Variants in ALPK2 observed in about 807,000 individuals in gnomAD.
The protein encoded by ALPK2 is alpha kinase 2.
Under a neutral mutation model 163.1 loss-of-function variants are expected in ALPK2, and 127 were observed. The observed-to-expected ratio is 0.78, with a 90% CI of 0.67 to 0.90. The LOEUF is 0.90. ALPK2 is among the 40% of genes least tolerant of loss of function. The probability of loss-of-function intolerance (pLI) is 0.00; values close to 1 mark genes in which losing one functional copy is unlikely to be tolerated. For synonymous variants in ALPK2, 953 were observed against 959.1 expected (o/e 0.99, Z 0.12); for missense variants, 2,360 against 2,589.6 (o/e 0.91, Z 1.92).
chr18:58,499,198 G>C (rs994949384), intron 11 of ALPK2, among the ~76,000 whole-genome samples: 1 of 152,194 alleles, frequency 6.6e-6, no homozygotes, highest in Admixed American at 6.5e-5. Flanking sequence ...CAGTAGAACA[G>C]CTACCTGAGC....
intron 4 of ALPK2, among the ~76,000 whole-genome samples, chr18:58,560,981 A>G (rs961933410): frequency 6.6e-6 from 1 of 152,184 alleles, no homozygotes; most frequent in Non-Finnish European, 1.5e-5. Context: ...AATTACTGTG[A>G]TTGAGATTTT....
intron 12 of ALPK2, among the ~76,000 whole-genome samples, chr18:58,497,333 G>A (rs998965972): frequency 2.0e-5 from 3 of 152,202 alleles, no homozygotes; most frequent in Non-Finnish European, 4.4e-5. Flanking sequence ...GGGCAAAGGC[G>A]ATGGTGGTTC....
At chr18:58,577,065 A>C (rs571779703) in intron 4 of ALPK2, among the ~76,000 whole-genome samples, 1 of 152,192 alleles carries the variant, frequency 6.6e-6, no homozygotes, top group Admixed American at 6.5e-5. Context: ...TGTGTGTGTG[A>C]GTGTGTAAGC....
chr18:58,533,559 A>G (rs1338847622), intron 5 of ALPK2, among the ~76,000 whole-genome samples: 1 of 151,446 alleles, frequency 6.6e-6, no homozygotes, highest in African/African-American at 2.4e-5. Context: ...TTCTGGGGTC[A>G]GGTGATTCTC....
At chr18:58,557,841 G>A (rs571799535) in intron 4 of ALPK2, among the ~76,000 whole-genome samples, 1 of 152,180 alleles carries the variant, frequency 6.6e-6, no homozygotes, top group East Asian at 1.9e-4. Context: ...CCAGCTACTG[G>A]GGAGGCTGAG....
chr18:58,615,408 G>T (rs1289792278), intron 1 of ALPK2, among the ~76,000 whole-genome samples: 1 of 152,018 alleles, frequency 6.6e-6, no homozygotes, highest in Non-Finnish European at 1.5e-5. Flanking sequence ...CACCTGCCAG[G>T]AACAAATCTA....
chr18:58,498,450 G>T (rs8086573), intron 11 of ALPK2, among the ~76,000 whole-genome samples: 63,985 of 152,064 alleles, frequency 0.42, 13,734 homozygotes, highest in East Asian at 0.71. Flanking sequence ...CCAGAAATAC[G>T]GTGACTTTGG....
At chr18:58,492,618 C>T (rs998358182) in intron 12 of ALPK2, among the ~76,000 whole-genome samples, 10 of 152,284 alleles carry the variant, frequency 6.6e-5, no homozygotes, top group African/African-American at 2.4e-4. Flanking sequence ...CTCGAATCTA[C>T]CAGACTTCTC....
intron 4 of ALPK2, among the ~76,000 whole-genome samples, chr18:58,569,883 C>T (rs748313262): frequency 6.6e-6 from 1 of 151,402 alleles, no homozygotes; most frequent in Non-Finnish European, 1.5e-5. Context: ...GTAATCCCAG[C>T]GCTTTGGGAG....
intron 11 of ALPK2, among the ~76,000 whole-genome samples, chr18:58,500,756 T>G (rs557759898): frequency 7.0e-6 from 1 of 142,526 alleles, no homozygotes; most frequent in East Asian, 2.1e-4. Flanking sequence ...AAACCCCGTC[T>G]CTACTAAAAA....
At chr18:58,564,429 T>G (rs1340546941) in intron 4 of ALPK2, among the ~76,000 whole-genome samples, 1 of 152,144 alleles carries the variant, frequency 6.6e-6, no homozygotes, top group Non-Finnish European at 1.5e-5. Flanking sequence ...GCCCTGTTCA[T>G]TTTTTATTAA....
intron 4 of ALPK2, among the ~76,000 whole-genome samples, chr18:58,560,615 A>G (rs2051821096): frequency 6.6e-6 from 1 of 152,200 alleles, no homozygotes; most frequent in South Asian, 2.1e-4. Flanking sequence ...GATAACCTCA[A>G]TCACATCTGC....
At chr18:58,512,333 C>T (rs72933225) in intron 10 of ALPK2, 17,805 of 152,298 alleles carry the variant, frequency 0.12, 1,214 homozygotes, top group Non-Finnish European at 0.16. Context: ...AATGTGACTC[C>T]ATTGATATTC....
chr18:58,574,498 G>A (rs1304684723), intron 4 of ALPK2, among the ~76,000 whole-genome samples: 1 of 148,536 alleles, frequency 6.7e-6, no homozygotes, highest in East Asian at 2.0e-4. Flanking sequence ...CCAACCCCCA[G>A]CCCCAGGCCA....
At chr18:58,487,367 A>C (rs1375767535) in intron 12 of ALPK2, among the ~76,000 whole-genome samples, 1 of 152,142 alleles carries the variant, frequency 6.6e-6, no homozygotes, top group South Asian at 2.1e-4. Context: ...GCCAGAGGAG[A>C]GGCATGGAAC....
intron 12 of ALPK2, among the ~76,000 whole-genome samples, chr18:58,495,886 C>T (rs2051398781): frequency 6.6e-6 from 1 of 152,278 alleles, no homozygotes; most frequent in African/African-American, 2.4e-5. Context: ...CACAGTCACA[C>T]AGCTGGTATG....
intron 8 of ALPK2, among the ~76,000 whole-genome samples, chr18:58,519,348 A>T (rs73445133): frequency 0.014 from 2,079 of 152,286 alleles, 44 homozygotes; most frequent in African/African-American, 0.048. Flanking sequence ...TAATACCACT[A>T]ACAGAGTATA....
chr18:58,492,671 C>G (rs143986046), intron 12 of ALPK2, among the ~76,000 whole-genome samples: 1 of 152,210 alleles, frequency 6.6e-6, no homozygotes, highest in Non-Finnish European at 1.5e-5. Flanking sequence ...AGCTGGATGA[C>G]AAGCGATGCA....
At chr18:58,594,457 T>C (rs1262243922) in intron 3 of ALPK2, among the ~76,000 whole-genome samples, 2 of 152,102 alleles carry the variant, frequency 1.3e-5, no homozygotes, top group Middle Eastern at 3.2e-3. Context: ...TGTGACAATA[T>C]ACCAAAACAA....
Sources: allele counts gnomAD v4.1 joint callset (sites outside exome capture counted in the v4.1 genomes callset), GRCh38; gene constraint gnomAD v4.1.1; transcripts MANE v1.5; gene names NCBI Gene and HGNC (gene_info 2026-07-23, HGNC 2026-07-21).